STPG2: variants seen among roughly 807,000 people sequenced by gnomAD.
STPG2 encodes the protein sperm-tail PG-rich repeat-containing protein 2.
A neutral mutation model predicts 54.2 loss-of-function variants in STPG2; 56 were observed. That is an observed-to-expected ratio of 1.03 (90% CI 0.83 to 1.29). The LOEUF (loss-of-function observed/expected upper bound fraction) is 1.29. STPG2 is among the 50% of genes most tolerant of loss of function. The pLI is 0.00. For missense variants in STPG2, 596 were observed against 544.9 expected (o/e 1.09, Z -0.93); for synonymous variants, 200 against 181.8 (o/e 1.10, Z -0.81).
intron 5 of STPG2, among the ~76,000 whole-genome samples, chr4:98,087,008 A>G (rs1681306716): frequency 6.6e-6 from 1 of 152,232 alleles, no homozygotes; most frequent in Admixed American, 6.5e-5. Context: ...AAACATACTA[A>G]TGAGCTCAAT....
At chr4:97,681,897 A>G (rs1371116510) in intron 10 of STPG2, among the ~76,000 whole-genome samples, 3 of 151,790 alleles carry the variant, frequency 2.0e-5, no homozygotes, top group Non-Finnish European at 4.4e-5. Context: ...TTGCGGTGTT[A>G]GTTCTGCTGA....
chr4:97,995,214 C>A (rs917319261), intron 5 of STPG2, among the ~76,000 whole-genome samples: 8 of 143,898 alleles, frequency 5.6e-5, no homozygotes, highest in Admixed American at 5.0e-4. Flanking sequence ...TTCCAGGAAG[C>A]CAGTGAACAG....
At chr4:97,579,417 A>G (rs927693738) in intron 10 of STPG2, among the ~76,000 whole-genome samples, 1 of 152,098 alleles carries the variant, frequency 6.6e-6, no homozygotes, top group Non-Finnish European at 1.5e-5. Flanking sequence ...AATTTGAAAT[A>G]TATCTAAATA....
At chr4:97,857,514 T>C (rs749744967) in intron 8 of STPG2, among the ~76,000 whole-genome samples, 3 of 152,122 alleles carry the variant, frequency 2.0e-5, no homozygotes, top group Non-Finnish European at 4.4e-5. Context: ...ATCCCCTTAT[T>C]TCCGATTGTG....
intron 8 of STPG2, among the ~76,000 whole-genome samples, chr4:97,913,425 T>C (rs528119787): frequency 6.6e-6 from 1 of 152,288 alleles, no homozygotes; most frequent in African/African-American, 2.4e-5. Flanking sequence ...GAAATCCAAG[T>C]TGAGACATCA....
At chr4:98,142,301 T>C (rs1317645808) in intron 1 of STPG2, among the ~76,000 whole-genome samples, 1 of 152,126 alleles carries the variant, frequency 6.6e-6, no homozygotes, top group Non-Finnish European at 1.5e-5. Flanking sequence ...AGTGTAGGTA[T>C]GGGGAAAATG....
intron 4 of STPG2, among the ~76,000 whole-genome samples, chr4:97,506,812 TA>T (rs1410005610): frequency 1.3e-5 from 2 of 150,102 alleles, no homozygotes; most frequent in East Asian, 2.0e-4. Context: ...GAGAATGAAT[TA>T]AAAAAAACTT....
intron 10 of STPG2, among the ~76,000 whole-genome samples, chr4:97,648,995 CT>C (rs1291397431): frequency 6.6e-6 from 1 of 152,096 alleles, no homozygotes; most frequent in African/African-American, 2.4e-5. Flanking sequence ...CCCTAATTGT[CT>C]GATGATAATT....
At chr4:97,561,369 T>A (rs531993370) in intron 10 of STPG2, among the ~76,000 whole-genome samples, 59 of 152,364 alleles carry the variant, frequency 3.9e-4, no homozygotes, top group African/African-American at 1.4e-3. Context: ...ATAAGTAGTT[T>A]GCGAAAATTT....
chr4:97,469,151 A>G (rs1374666869), intron 4 of STPG2, among the ~76,000 whole-genome samples: 2 of 152,138 alleles, frequency 1.3e-5, no homozygotes, highest in African/African-American at 2.4e-5. Context: ...ATGCACCACC[A>G]TGGTATTCAG....
intron 1 of STPG2, among the ~76,000 whole-genome samples, chr4:98,138,075 C>A (rs1007670196): frequency 1.3e-5 from 2 of 151,892 alleles, no homozygotes; most frequent in Admixed American, 6.6e-5. Context: ...GTCATCCATT[C>A]TGTAATAGTG....
Position 97,620,779 on chromosome 4 carries a change from G to A in STPG2, c.1321-61662C>T, listed in dbSNP as rs1217956447. On this transcript the variant is annotated intron_variant, in intron 10 of 10. Coordinates refer to ENST00000295268, the MANE Select transcript of STPG2 (RefSeq NM_174952.3). ...AGGATATTCAGGACTTGAACTCAACGATAGACATAATTGACATACAGAACT... is the reference window on the plus strand; with the variant it reads ...AGGATATTCAGGACTTGAACTCAACAATAGACATAATTGACATACAGAACT... Among the ~76,000 whole-genome samples the A allele has an allele frequency of 5.9e-5, 9 of 151,770 alleles. 1 individual carries two copies. The East Asian group carries it at 7.8e-4, about 13-fold the overall frequency.
At chr4:97,563,537 T>A (rs1266218641) in intron 10 of STPG2, among the ~76,000 whole-genome samples, 3 of 152,218 alleles carry the variant, frequency 2.0e-5, no homozygotes, top group African/African-American at 7.2e-5. Flanking sequence ...TGTTAGGTTG[T>A]CAATTTTGGA....
At chr4:97,785,942 C>G (rs139539077) in intron 9 of STPG2, among the ~76,000 whole-genome samples, 151 of 152,020 alleles carry the variant, frequency 9.9e-4, no homozygotes, top group Middle Eastern at 3.4e-3. Flanking sequence ...AACTTAGTGT[C>G]GGTGAGAGTT....
At chr4:98,134,590 G>T in intron 1 of STPG2, 131 bp from the exon 2 acceptor site, 1 of 364,874 alleles carries the variant, frequency 2.7e-6, no homozygotes, top group Non-Finnish European at 4.9e-6. Context: ...TGTCTAGTCA[G>T]AGAAGTTATT....
At chr4:98,117,539 G>A (rs1739556634) in intron 3 of STPG2, among the ~76,000 whole-genome samples, 1 of 151,642 alleles carries the variant, frequency 6.6e-6, no homozygotes, top group South Asian at 2.1e-4. Flanking sequence ...CCGCTTCTGG[G>A]ATTCCCATTA....
intron 8 of STPG2, among the ~76,000 whole-genome samples, chr4:97,901,521 A>G (rs1254094228): frequency 6.6e-6 from 1 of 152,010 alleles, no homozygotes; most frequent in African/African-American, 2.4e-5. Flanking sequence ...CAAAAATCAC[A>G]TGCTTGCACT....
intron 9 of STPG2, among the ~76,000 whole-genome samples, chr4:97,717,134 C>T (rs1724314073): frequency 6.6e-6 from 1 of 152,094 alleles, no homozygotes; most frequent in African/African-American, 2.4e-5. Context: ...AATGGCACTT[C>T]AGATGACCAT....
intron 8 of STPG2, among the ~76,000 whole-genome samples, chr4:97,906,634 C>T (rs956951111): frequency 2.4e-4 from 36 of 152,034 alleles, no homozygotes; most frequent in South Asian, 1.0e-3. Flanking sequence ...ATTGGCAAAC[C>T]GAATCCAGCA....
Sources: gnomAD v4.1 joint callset for allele counts (sites outside exome capture counted in the v4.1 genomes callset) on GRCh38, gnomAD v4.1.1 for gene constraint, MANE v1.5 for transcripts, NCBI Gene and HGNC (gene_info 2026-07-23, HGNC 2026-07-21) for gene names.